The following LARGE1 variants were observed in gnomAD, a reference collection of about 807,000 sequenced individuals.
LARGE1 encodes LARGE xylosyl- and glucuronyltransferase 1, also known as xylosyl- and glucuronyltransferase LARGE1.
A neutral mutation model predicts 87.6 loss-of-function variants in LARGE1; 43 were observed. The observed-to-expected ratio is 0.49, with a 90% CI of 0.38 to 0.63. The LOEUF (loss-of-function observed/expected upper bound fraction) is 0.63, where lower values mean the gene tolerates loss of function less well. LARGE1 is among the 30% of genes least tolerant of loss of function. LARGE1 has a pLI of 0.00. For synonymous variants in LARGE1, 434 were observed against 394.6 expected (o/e 1.10, Z -1.18); for missense variants, 802 against 1,000.2 (o/e 0.80, Z 2.67).
intron 7 of LARGE1, among the ~76,000 whole-genome samples, chr22:33,392,126 T>C (rs2065550200): frequency 6.7e-6 from 1 of 149,734 alleles, no homozygotes; most frequent in African/African-American, 2.5e-5. Context: ...CACAGCAGAA[T>C]GAATTCTGGG....
intron 11 of LARGE1, among the ~76,000 whole-genome samples, chr22:33,195,230 T>C (rs1023147506): frequency 7.9e-5 from 12 of 152,234 alleles, no homozygotes; most frequent in African/African-American, 2.6e-4. Flanking sequence ...AAGGGGTAAG[T>C]TGACAACTCC....
intron 11 of LARGE1, among the ~76,000 whole-genome samples, chr22:33,198,636 G>GACACACACACAC (rs71187250): frequency 2.2e-5 from 3 of 137,756 alleles, no homozygotes; most frequent in African/African-American, 9.1e-5. Flanking sequence ...TATACACCGT[G>GACACACACACAC]ACACACACAC....
At chr22:33,192,947 T>C (rs1219676837) in intron 11 of LARGE1, among the ~76,000 whole-genome samples, 2 of 152,234 alleles carry the variant, frequency 1.3e-5, no homozygotes, top group Non-Finnish European at 2.9e-5. Context: ...TGTGTGTTCT[T>C]GGTATCTTTG....
At chr22:33,265,276 T>A (rs1444223130) in intron 11 of LARGE1, among the ~76,000 whole-genome samples, 1 of 152,072 alleles carries the variant, frequency 6.6e-6, no homozygotes, top group Non-Finnish European at 1.5e-5. Context: ...TCCTGGTAAG[T>A]CAGTTTAGCA....
At chr22:33,869,516 G>A (rs1307581877) in intron 1 of LARGE1, among the ~76,000 whole-genome samples, 1 of 152,158 alleles carries the variant, frequency 6.6e-6, no homozygotes, top group Non-Finnish European at 1.5e-5. Context: ...AAGGAAAAGA[G>A]GAGCCTCCTC....
chr22:33,904,575 C>G (rs900790578), intron 1 of LARGE1, among the ~76,000 whole-genome samples: 1 of 152,164 alleles, frequency 6.6e-6, no homozygotes, highest in Non-Finnish European at 1.5e-5. Flanking sequence ...TGCCTGAGAA[C>G]CAAGCCAATA....
chr22:33,572,151 T>C (rs2078224180), intron 5 of LARGE1: 1 of 1,199,134 alleles, frequency 8.3e-7, no homozygotes, highest in Non-Finnish European at 1.1e-6. Flanking sequence ...TTACCCATAT[T>C]AACATTTTGC....
chr22:33,311,955 T>A (rs1011640436), intron 11 of LARGE1, among the ~76,000 whole-genome samples: 1 of 152,158 alleles, frequency 6.6e-6, no homozygotes, highest in Non-Finnish European at 1.5e-5. Context: ...GTTGGTGGGA[T>A]TTGAACCCGG....
chr22:33,342,481 T>TA (rs1196255969), intron 9 of LARGE1, among the ~76,000 whole-genome samples: 1 of 152,206 alleles, frequency 6.6e-6, no homozygotes, highest in Non-Finnish European at 1.5e-5. Flanking sequence ...TCACAGCTGG[T>TA]AAGTTGCAGT....
intron 9 of LARGE1, among the ~76,000 whole-genome samples, chr22:33,377,923 T>G (rs2147076179): frequency 6.6e-6 from 1 of 152,366 alleles, no homozygotes; most frequent in South Asian, 2.1e-4. Flanking sequence ...ATTCATTTTT[T>G]GAGAATCTAC....
At chr22:33,828,254 G>A (rs1470895388) in intron 1 of LARGE1, among the ~76,000 whole-genome samples, 1 of 152,232 alleles carries the variant, frequency 6.6e-6, no homozygotes, top group East Asian at 1.9e-4. Context: ...CAGGTGACCT[G>A]CCTTTGAAGG....
At chr22:33,387,427 A>C (rs1271081357) in intron 7 of LARGE1, among the ~76,000 whole-genome samples, 1 of 56,760 alleles carries the variant, frequency 1.8e-5, no homozygotes, top group Admixed American at 1.7e-4. Flanking sequence ...ACTCTGTCTC[A>C]AAAAAAAAAA....
In LARGE1 at chr22:33,450,482, G is replaced by A. The variant is rs536359190; in HGVS notation, c.788-18217C>T. 4.3e-4 allele frequency among the ~76,000 whole-genome samples: 65 copies of A among 151,472 alleles called. 1 individual carries two copies. Among genetic ancestry groups the A allele is most frequent in the East Asian group, 1.6e-3 (8 of 5,114 alleles). On this transcript the variant is annotated intron_variant, in intron 6 of 14. Coordinates refer to ENST00000397394, the MANE Select transcript of LARGE1 (RefSeq NM_133642.5). ...AAAAAAATTAGCCAGGTGTGGTGGC[G>A]GGTGCCCGTAGTCCCAGCTACCCAG...
In LARGE1 at chr22:33,320,564, G is replaced by C. The variant is rs140293305; in HGVS notation, c.1288-4316C>G. On this transcript the variant is annotated intron_variant, in intron 10 of 14. Transcript: ENST00000397394. ...ACCATTGTCCTGAGCACCATGCCTGGCTTGTGACAGGTGCTAATATCATGT... is the reference window on the plus strand; with the variant it reads ...ACCATTGTCCTGAGCACCATGCCTGCCTTGTGACAGGTGCTAATATCATGT... Among the ~76,000 whole-genome samples, 560 of 152,222 alleles carry C rather than the reference G, an allele frequency of 3.7e-3. 5 individuals carry two copies. The highest frequency in any genetic ancestry group is 0.013 in the African/African-American group (521 of 41,532).
chr22:33,114,209 G>A, the LARGE1 span, among the ~76,000 whole-genome samples: 1 of 152,132 alleles, frequency 6.6e-6, no homozygotes, highest in African/African-American at 2.4e-5. Flanking sequence ...ACAATGGGCT[G>A]TTGCAAGGAT....
At chr22:33,829,242 C>G (rs2062896118) in intron 1 of LARGE1, among the ~76,000 whole-genome samples, 1 of 151,996 alleles carries the variant, frequency 6.6e-6, no homozygotes. Context: ...CTCCTGACCT[C>G]AAGTGATCCG....
Position 33,891,710 on chromosome 22 carries a change from T to C in LARGE1, c.-83+28285A>G, listed in dbSNP as rs1478531859. Among the ~76,000 whole-genome samples, 3 of 152,226 alleles carry C rather than the reference T, an allele frequency of 2.0e-5. No individual in the cohort carries two copies. In the East Asian group the frequency reaches 5.8e-4, roughly 29 times the overall value. ...ACCAAATACATGCTGGGTAAAATTC[T>C]TTGTGATAAGCACTGTAAATGTTGG... On this transcript the variant is annotated intron_variant, in intron 1 of 14. Transcript: ENST00000397394.
chr22:33,421,210 A>C (rs1036356991), intron 7 of LARGE1, among the ~76,000 whole-genome samples: 7 of 141,576 alleles, frequency 4.9e-5, no homozygotes, highest in African/African-American at 1.9e-4. Context: ...AAATAAAATA[A>C]AATCAATCAA....
At chr22:33,301,776 A>G (rs896177474) in intron 12 of LARGE1, among the ~76,000 whole-genome samples, 2 of 152,216 alleles carry the variant, frequency 1.3e-5, no homozygotes, top group African/African-American at 4.8e-5. Context: ...ACCTCAAGTG[A>G]CTCTGCATTA....
Sources: gnomAD v4.1 joint callset for allele counts (sites outside exome capture counted in the v4.1 genomes callset) on GRCh38, gnomAD v4.1.1 for gene constraint, MANE v1.5 for transcripts, NCBI Gene and HGNC (gene_info 2026-07-23, HGNC 2026-07-21) for gene names.